The following PACRG variants were observed in gnomAD, a reference collection of about 807,000 sequenced individuals.
PACRG encodes the protein parkin coregulated.
PACRG carries 29 observed loss-of-function variants against 29.7 expected under a neutral mutation model. That is an observed-to-expected ratio of 0.98 (90% CI 0.73 to 1.33). The LOEUF is 1.33. Among genes scored for constraint, PACRG ranks in the 40% most tolerant of loss-of-function variants. PACRG has a pLI of 0.00. For synonymous variants in PACRG, 116 were observed against 118.7 expected, an observed-to-expected ratio of 0.98 and a Z score of 0.15; for missense variants, 279 against 316.2, an observed-to-expected ratio of 0.88 and a Z score of 0.89.
At chr6:162,951,548 T>A (rs551578417) in intron 2 of PACRG, among the ~76,000 whole-genome samples, 2 of 152,086 alleles carry the variant, frequency 1.3e-5, no homozygotes, top group East Asian at 3.9e-4. Flanking sequence ...GAAAGGGAGG[T>A]CCTGTGATAC....
At chr6:162,979,296 G>T (rs4235944) in intron 2 of PACRG, among the ~76,000 whole-genome samples, 63,287 of 151,600 alleles carry the variant, frequency 0.42, 13,471 homozygotes, top group East Asian at 0.69. Flanking sequence ...TGAGGATTTT[G>T]TCATCTACCT....
chr6:163,167,178 G>C (rs1778849757), intron 4 of PACRG, among the ~76,000 whole-genome samples: 1 of 152,184 alleles, frequency 6.6e-6, no homozygotes, highest in South Asian at 2.1e-4. Flanking sequence ...TATCCATTAT[G>C]ATTTCTACCT....
chr6:162,996,796 T>C (rs922158283), intron 2 of PACRG, among the ~76,000 whole-genome samples: 4 of 152,182 alleles, frequency 2.6e-5, no homozygotes, highest in Admixed American at 1.3e-4. Context: ...TTTCTTCTCT[T>C]GTTTTTCAAA....
intron 2 of PACRG, among the ~76,000 whole-genome samples, chr6:162,995,707 C>G (rs544577131): frequency 6.6e-6 from 1 of 152,238 alleles, no homozygotes; most frequent in African/African-American, 2.4e-5. Context: ...TCTTCTGCGT[C>G]GCTCACGCTG....
At chr6:163,283,740 G>A (rs1482303766) in intron 4 of PACRG, among the ~76,000 whole-genome samples, 1 of 150,446 alleles carries the variant, frequency 6.6e-6, no homozygotes, top group Non-Finnish European at 1.5e-5. Context: ...AGCGGAGCTT[G>A]CAGTGAGCCG....
chr6:163,176,421 C>T (rs2128350197), intron 4 of PACRG, among the ~76,000 whole-genome samples: 1 of 152,340 alleles, frequency 6.6e-6, no homozygotes, highest in Admixed American at 6.5e-5. Context: ...AAAATGCTCA[C>T]CACACAGGCA....
chr6:162,949,269 A>T (rs1205582117), intron 2 of PACRG, among the ~76,000 whole-genome samples: 1 of 152,172 alleles, frequency 6.6e-6, no homozygotes, highest in Admixed American at 6.5e-5. Flanking sequence ...TTAATAGTGC[A>T]TGTTCTCCCT....
chr6:163,195,727 G>A (rs1024341792), intron 4 of PACRG, among the ~76,000 whole-genome samples: 2 of 152,194 alleles, frequency 1.3e-5, no homozygotes, highest in East Asian at 1.9e-4. Flanking sequence ...GCCCTGCCGG[G>A]AAATGGAGAT....
intron 4 of PACRG, chr6:163,187,626 T>C (rs540481008): frequency 6.6e-6 from 1 of 152,374 alleles, no homozygotes; most frequent in South Asian, 2.1e-4. Flanking sequence ...CTTCACCCTC[T>C]TTTCTACCTC....
chr6:163,260,757 C>T (rs1258261205), intron 4 of PACRG, among the ~76,000 whole-genome samples: 1 of 152,172 alleles, frequency 6.6e-6, no homozygotes, highest in Non-Finnish European at 1.5e-5. Context: ...CTCTCCTGCT[C>T]TAGCAGCTGA....
intron 2 of PACRG, among the ~76,000 whole-genome samples, chr6:162,943,744 C>T (rs973877506): frequency 1.3e-5 from 2 of 152,160 alleles, no homozygotes; most frequent in Non-Finnish European, 2.9e-5. Context: ...AGCATCTCTC[C>T]CAGGGACCTA....
intron 4 of PACRG, among the ~76,000 whole-genome samples, chr6:163,101,675 A>T (rs924541852): frequency 5.3e-5 from 8 of 151,974 alleles, no homozygotes; most frequent in African/African-American, 1.9e-4. Context: ...GCCTGTAAAA[A>T]CCTGCTTAAA....
intron 4 of PACRG, chr6:163,244,956 A>T (rs1782638759): frequency 2.4e-6 from 1 of 419,958 alleles, no homozygotes; most frequent in African/African-American, 2.1e-5. Context: ...ATCGACAAAG[A>T]AGTGAATTGT....
intron 3 of PACRG, among the ~76,000 whole-genome samples, chr6:163,075,631 T>G (rs1812472751): frequency 6.6e-6 from 1 of 152,186 alleles, no homozygotes; most frequent in Non-Finnish European, 1.5e-5. Flanking sequence ...ATTTACAACA[T>G]TAATGAATTA....
At chr6:163,156,375 G>C (rs1373366123) in intron 4 of PACRG, among the ~76,000 whole-genome samples, 1 of 152,164 alleles carries the variant, frequency 6.6e-6, no homozygotes, top group African/African-American at 2.4e-5. Flanking sequence ...GAGCACCAGA[G>C]GAGCCTGGGG....
chr6:162,893,895 A>T (rs974209845), intron 2 of PACRG, among the ~76,000 whole-genome samples: 24 of 152,194 alleles, frequency 1.6e-4, no homozygotes, highest in Admixed American at 4.6e-4. Context: ...GAGAGTTGTC[A>T]GGGATGGTAG....
chr6:162,952,125 G>T (rs1039592870), intron 2 of PACRG, among the ~76,000 whole-genome samples: 30 of 152,152 alleles, frequency 2.0e-4, no homozygotes, highest in African/African-American at 7.2e-4. Flanking sequence ...GAAAGAGAGA[G>T]ACTCATCTTC....
chr6:163,006,031 TATATATAAC>T (rs1322101761), intron 2 of PACRG, among the ~76,000 whole-genome samples: 1 of 143,762 alleles, frequency 7.0e-6, no homozygotes, highest in Non-Finnish European at 1.5e-5. Flanking sequence ...TTATATATGT[TATATATAAC>T]ATATATAACT....
At chr6:163,092,963 C>T (rs1814248207) in intron 4 of PACRG, among the ~76,000 whole-genome samples, 2 of 152,208 alleles carry the variant, frequency 1.3e-5, no homozygotes, top group South Asian at 2.1e-4. Context: ...CTGTGAGTGG[C>T]ATGTGGCCTC....
Sources: gnomAD v4.1 joint callset for allele counts (sites outside exome capture counted in the v4.1 genomes callset) on GRCh38, gnomAD v4.1.1 for gene constraint, MANE v1.5 for transcripts, NCBI Gene and HGNC (gene_info 2026-07-23, HGNC 2026-07-21) for gene names.